ST3GAL3: variants seen among roughly 807,000 people sequenced by gnomAD.
ST3GAL3 encodes the protein CMP-N-acetylneuraminate-beta-1,4-galactoside alpha-2,3-sialyltransferase.
In ST3GAL3, 21 loss-of-function variants were observed where a neutral mutation model predicts 50.1. The ratio of observed to expected loss-of-function variants is 0.42; its 90% CI spans 0.30 to 0.60. The LOEUF (loss-of-function observed/expected upper bound fraction) is 0.60, where lower values mean the gene tolerates loss of function less well. Ranked by LOEUF, ST3GAL3 falls within the 20% of genes least tolerant of loss-of-function variation. The probability of loss-of-function intolerance (pLI) is 0.19; values close to 1 mark genes in which losing one functional copy is unlikely to be tolerated. For missense variants in ST3GAL3, 353 were observed against 489.4 expected (o/e 0.72, Z 2.63); for synonymous variants, 183 against 190.0 (o/e 0.96, Z 0.30).
chr1:43,833,288 G>A (rs1042608666), intron 4 of ST3GAL3, among the ~76,000 whole-genome samples: 2 of 152,082 alleles, frequency 1.3e-5, no homozygotes, highest in Admixed American at 1.3e-4. Context: ...GCATTTTATT[G>A]GGTACTTGTA....
chr1:43,801,033 A>G (rs2059257948), intron 3 of ST3GAL3, among the ~76,000 whole-genome samples: 1 of 152,180 alleles, frequency 6.6e-6, no homozygotes, highest in Non-Finnish European at 1.5e-5. Context: ...CACTTTAAAG[A>G]AGATCTGGCA....
At chr1:43,857,439 A>C (rs971382981) in intron 5 of ST3GAL3, among the ~76,000 whole-genome samples, 1 of 151,876 alleles carries the variant, frequency 6.6e-6, no homozygotes, top group African/African-American at 2.4e-5. Context: ...ACTTTTAAAA[A>C]TGGAGCTTAT....
At chr1:43,803,146 G>A (rs796789943) in intron 3 of ST3GAL3, among the ~76,000 whole-genome samples, 1 of 152,088 alleles carries the variant, frequency 6.6e-6, no homozygotes, top group African/African-American at 2.4e-5. Flanking sequence ...GGCTGGTCTT[G>A]AACTCCTGAC....
chr1:43,827,202 A>G (rs551075767), intron 4 of ST3GAL3, among the ~76,000 whole-genome samples: 8 of 152,350 alleles, frequency 5.3e-5, no homozygotes, highest in Admixed American at 2.6e-4. Context: ...TGGCAAAAAC[A>G]TTCTGGAACT....
chr1:43,864,174 G>T (rs549406465), intron 5 of ST3GAL3, among the ~76,000 whole-genome samples: 3 of 152,222 alleles, frequency 2.0e-5, no homozygotes, highest in African/African-American at 7.2e-5. Context: ...AGCTACTTGA[G>T]AGGCTGAGGC....
In ST3GAL3 at chr1:43,800,842, C is replaced by T. The variant is rs12737134; in HGVS notation, c.166+8693C>T. Among the ~76,000 whole-genome samples, 343 of 152,298 alleles carry T rather than the reference C, an allele frequency of 2.3e-3. 3 individuals carry two copies. Among genetic ancestry groups the T allele is most frequent in the South Asian group, 0.011 (53 of 4,826 alleles). ...AACTATTGCCAACTTCTTCCTCCAC[C>T]CAAGCCATGGCATATATTACATATG... On this transcript the variant is annotated intron_variant, in intron 3 of 11. Transcript: ENST00000347631.
intron 4 of ST3GAL3, among the ~76,000 whole-genome samples, chr1:43,816,111 C>T (rs1180652201): frequency 6.6e-6 from 1 of 152,202 alleles, no homozygotes; most frequent in African/African-American, 2.4e-5. Flanking sequence ...TCTTTGTGCA[C>T]CTGTGTCCCC....
intron 4 of ST3GAL3, among the ~76,000 whole-genome samples, chr1:43,816,914 C>T (rs183505105): frequency 5.3e-4 from 80 of 152,328 alleles, no homozygotes; most frequent in Admixed American, 2.4e-3. Context: ...TGCTGTCTCT[C>T]CTGTCTCACA....
intron 1 of ST3GAL3, among the ~76,000 whole-genome samples, chr1:43,710,028 C>T (rs1663829571): frequency 6.6e-6 from 1 of 152,026 alleles, no homozygotes; most frequent in Admixed American, 6.6e-5. Flanking sequence ...TTTTTCTCCC[C>T]GTGTTTTTGG....
intron 11 of ST3GAL3, among the ~76,000 whole-genome samples, chr1:43,927,842 C>T (rs2084276305): frequency 6.6e-6 from 1 of 152,046 alleles, no homozygotes; most frequent in Non-Finnish European, 1.5e-5. Flanking sequence ...GTCTGAGGGA[C>T]AACGGGGTGT....
At chr1:43,878,961 G>T in intron 5 of ST3GAL3, 2 of 453,790 alleles carry the variant, frequency 4.4e-6, no homozygotes, top group Non-Finnish European at 8.9e-6. Flanking sequence ...ACACCCTCCA[G>T]ATAATAACAA....
chr1:43,774,414 C>T (rs1352747748), intron 2 of ST3GAL3, among the ~76,000 whole-genome samples: 1 of 152,120 alleles, frequency 6.6e-6, no homozygotes, highest in Non-Finnish European at 1.5e-5. Flanking sequence ...CACCTTGCTG[C>T]CTTTCAGGTG....
intron 2 of ST3GAL3, among the ~76,000 whole-genome samples, chr1:43,766,952 G>A (rs1693286162): frequency 1.3e-5 from 2 of 152,200 alleles, no homozygotes; most frequent in African/African-American, 4.8e-5. Flanking sequence ...TGAATAAAGT[G>A]GAGGGGCCTG....
intron 5 of ST3GAL3, among the ~76,000 whole-genome samples, chr1:43,876,545 C>A (rs1290863933): frequency 6.6e-6 from 1 of 152,172 alleles, no homozygotes; most frequent in Non-Finnish European, 1.5e-5. Context: ...AGATTTGGGC[C>A]TGAGTCAGTA....
At chr1:43,916,327 A>G (rs2154290980) in intron 9 of ST3GAL3, among the ~76,000 whole-genome samples, 1 of 152,344 alleles carries the variant, frequency 6.6e-6, no homozygotes, top group South Asian at 2.1e-4. Flanking sequence ...AAGTGGTGGC[A>G]GTAGGTTTGG....
chr1:43,830,532 C>G (rs2063407531), intron 4 of ST3GAL3, among the ~76,000 whole-genome samples: 1 of 152,142 alleles, frequency 6.6e-6, no homozygotes, highest in Admixed American at 6.5e-5. Flanking sequence ...AACTGTGACA[C>G]CTGCTTTGAG....
intron 5 of ST3GAL3, among the ~76,000 whole-genome samples, chr1:43,860,349 C>T (rs1334857449): frequency 6.6e-6 from 1 of 152,230 alleles, no homozygotes; most frequent in Non-Finnish European, 1.5e-5. Context: ...GGAAAGATAG[C>T]TCATCCAGGA....
intron 1 of ST3GAL3, among the ~76,000 whole-genome samples, chr1:43,731,540 A>G (rs111491433): frequency 0.073 from 10,547 of 144,816 alleles, 1,262 homozygotes; most frequent in African/African-American, 0.25. Flanking sequence ...GCCCGCCACC[A>G]TGCCCGGCTA....
intron 5 of ST3GAL3, 78 bp downstream of exon 5, chr1:43,838,389 CCAGT>C (rs1422549993): frequency 1.5e-6 from 2 of 1,300,618 alleles, no homozygotes; most frequent in East Asian, 2.3e-5. Flanking sequence ...CCTCTCACAG[CCAGT>C]CATGTTCTCC....
Sources: gnomAD v4.1 joint callset for allele counts (sites outside exome capture counted in the v4.1 genomes callset) on GRCh38, gnomAD v4.1.1 for gene constraint, MANE v1.5 for transcripts, NCBI Gene and HGNC (gene_info 2026-07-23, HGNC 2026-07-21) for gene names.